The following ZNF385D variants were observed in gnomAD, a reference collection of about 807,000 sequenced individuals.
The protein encoded by ZNF385D is zinc finger protein 659.
A neutral mutation model predicts 35.8 loss-of-function variants in ZNF385D; 15 were observed. That is an observed-to-expected ratio of 0.42 (90% CI 0.28 to 0.64). The LOEUF (loss-of-function observed/expected upper bound fraction) is 0.64, where lower values mean the gene tolerates loss of function less well. Ranked by LOEUF, ZNF385D falls within the 30% of genes least tolerant of loss-of-function variation. ZNF385D has a pLI of 0.23. For synonymous variants in ZNF385D, 212 were observed against 186.8 expected (o/e 1.13, Z -1.10); for missense variants, 474 against 494.6 (o/e 0.96, Z 0.39).
rs1457896566 is a variant in ZNF385D at position 22,048,714 on chromosome 3, C to G, written c.325+120103G>C. On this transcript the variant is annotated intron_variant, in intron 3 of 5. Coordinates refer to the ZNF385D transcript ENST00000494108. Reference sequence around the variant, plus strand: ...GCTTTGTTCTTTTTGCTCAAGATTGCTTTAACTATTCTGGGTCTTTTGTGA... The same window carrying G: ...GCTTTGTTCTTTTTGCTCAAGATTGGTTTAACTATTCTGGGTCTTTTGTGA... Among the ~76,000 whole-genome samples the G allele has an allele frequency of 3.9e-5, 6 of 152,162 alleles. No homozygotes were observed. The East Asian group carries it at 9.7e-4, about 25-fold the overall frequency.
At chr3:21,571,649 A>G (rs978131369) in intron 2 of ZNF385D, among the ~76,000 whole-genome samples, 1 of 152,204 alleles carries the variant, frequency 6.6e-6, no homozygotes, top group African/African-American at 2.4e-5. Flanking sequence ...AACACCAGTC[A>G]CAAGTTTGAG....
At chr3:21,905,979 C>T (rs1283300777) in intron 3 of ZNF385D, among the ~76,000 whole-genome samples, 1 of 152,012 alleles carries the variant, frequency 6.6e-6, no homozygotes, top group African/African-American at 2.4e-5. Flanking sequence ...AGGAGAAAAC[C>T]TACAAATAAA....
At chr3:22,327,233 C>T (rs1694720312) in intron 2 of ZNF385D, among the ~76,000 whole-genome samples, 2 of 152,030 alleles carry the variant, frequency 1.3e-5, no homozygotes, top group South Asian at 2.1e-4. Context: ...TAGCCAGGAA[C>T]ATTAAACCTT....
At chr3:21,756,991 T>A (rs2070367550) in intron 3 of ZNF385D, among the ~76,000 whole-genome samples, 1 of 152,206 alleles carries the variant, frequency 6.6e-6, no homozygotes, top group Non-Finnish European at 1.5e-5. Context: ...ATGCCTGGGG[T>A]CATTATTGAA....
intron 3 of ZNF385D, among the ~76,000 whole-genome samples, chr3:21,874,767 G>A (rs79580001): frequency 0.015 from 2,272 of 151,970 alleles, 33 homozygotes; most frequent in East Asian, 0.062. Flanking sequence ...TTCTATTTCC[G>A]TAAAAAATGT....
intron 3 of ZNF385D, among the ~76,000 whole-genome samples, chr3:21,827,856 G>A (rs1339862235): frequency 6.6e-6 from 1 of 152,138 alleles, no homozygotes; most frequent in Non-Finnish European, 1.5e-5. Flanking sequence ...AGTTCAGAAA[G>A]AAACATGCTG....
At chr3:22,362,635 T>A (rs1346952118) in intron 2 of ZNF385D, among the ~76,000 whole-genome samples, 1 of 152,112 alleles carries the variant, frequency 6.6e-6, no homozygotes, top group Non-Finnish European at 1.5e-5. Context: ...GAAATTTATC[T>A]TTATCATGAG....
intron 3 of ZNF385D, among the ~76,000 whole-genome samples, chr3:22,104,907 A>C (rs1702125771): frequency 6.6e-6 from 1 of 152,196 alleles, no homozygotes; most frequent in Non-Finnish European, 1.5e-5. Flanking sequence ...GTAACTGAAG[A>C]GAATGCTGAA....
At chr3:21,811,244 C>G (rs1293927239) in intron 3 of ZNF385D, among the ~76,000 whole-genome samples, 1 of 152,044 alleles carries the variant, frequency 6.6e-6, no homozygotes, top group Admixed American at 6.6e-5. Flanking sequence ...AGCACAGCAG[C>G]AATGAACACC....
chr3:21,849,299 A>C (rs1696221452), intron 3 of ZNF385D, among the ~76,000 whole-genome samples: 2 of 152,140 alleles, frequency 1.3e-5, no homozygotes, highest in African/African-American at 4.8e-5. Flanking sequence ...AAGAAAGAGA[A>C]TTCTAAATTG....
intron 3 of ZNF385D, among the ~76,000 whole-genome samples, chr3:21,965,665 C>G (rs185496599): frequency 2.1e-4 from 32 of 152,294 alleles, no homozygotes; most frequent in African/African-American, 7.7e-4. Context: ...ACCAGAACAA[C>G]TGACAAATTT....
intron 2 of ZNF385D, among the ~76,000 whole-genome samples, chr3:22,233,475 G>A (rs1341517586): frequency 3.3e-5 from 5 of 152,166 alleles, no homozygotes; most frequent in Non-Finnish European, 7.4e-5. Flanking sequence ...TAATGTAAAT[G>A]TCTTGATTGT....
At chr3:22,220,658 C>T (rs1698196516) in intron 2 of ZNF385D, among the ~76,000 whole-genome samples, 1 of 152,114 alleles carries the variant, frequency 6.6e-6, no homozygotes, top group African/African-American at 2.4e-5. Flanking sequence ...TTCACATGTG[C>T]CAAACACTTC....
chr3:21,773,084 TTTTA>T (rs2071143718), intron 3 of ZNF385D, among the ~76,000 whole-genome samples: 2 of 151,796 alleles, frequency 1.3e-5, no homozygotes, highest in South Asian at 4.2e-4. Flanking sequence ...TTAATGGGGA[TTTTA>T]TTTCAGTTTT....
intron 3 of ZNF385D, among the ~76,000 whole-genome samples, chr3:21,833,440 C>T (rs566737201): frequency 1.3e-5 from 2 of 152,260 alleles, no homozygotes; most frequent in South Asian, 2.1e-4. Flanking sequence ...CTGAATGCCA[C>T]GCACGTGGAG....
At chr3:22,192,660 G>A (rs1277542877) in intron 2 of ZNF385D, among the ~76,000 whole-genome samples, 1 of 152,098 alleles carries the variant, frequency 6.6e-6, no homozygotes, top group Non-Finnish European at 1.5e-5. Context: ...CCAACATCCT[G>A]ACTACAACCT....
At chr3:21,492,564 C>G (rs1416320238) in intron 4 of ZNF385D, among the ~76,000 whole-genome samples, 1 of 151,490 alleles carries the variant, frequency 6.6e-6, no homozygotes, top group East Asian at 1.9e-4. Flanking sequence ...AGGAGGATCA[C>G]TTGAGGTTAG....
At chr3:21,644,639 G>A (rs1210741686) in intron 2 of ZNF385D, among the ~76,000 whole-genome samples, 5 of 152,154 alleles carry the variant, frequency 3.3e-5, no homozygotes, top group African/African-American at 9.7e-5. Flanking sequence ...AGTACCTGCT[G>A]TATATTCCAG....
intron 3 of ZNF385D, among the ~76,000 whole-genome samples, chr3:22,150,926 A>C (rs112556180): frequency 4.6e-5 from 7 of 152,264 alleles, no homozygotes; most frequent in African/African-American, 1.7e-4. Flanking sequence ...CTAGAGAGTA[A>C]ATCATTCTGG....
Sources: allele counts gnomAD v4.1 joint callset (sites outside exome capture counted in the v4.1 genomes callset), GRCh38; gene constraint gnomAD v4.1.1; transcripts MANE v1.5; gene names NCBI Gene and HGNC (gene_info 2026-07-23, HGNC 2026-07-21).